The following PIK3C2B variants were observed in gnomAD, a reference collection of about 807,000 sequenced individuals.
PIK3C2B encodes phosphatidylinositol 4-phosphate 3-kinase C2 domain-containing subunit beta.
PIK3C2B carries 83 observed loss-of-function variants against 184.3 expected under a neutral mutation model. The ratio of observed to expected loss-of-function variants is 0.45; its 90% CI spans 0.38 to 0.54. The LOEUF (loss-of-function observed/expected upper bound fraction) is 0.54. PIK3C2B is among the 20% of genes least tolerant of loss of function. The probability of loss-of-function intolerance (pLI) is 0.00; values close to 1 mark genes in which losing one functional copy is unlikely to be tolerated. For missense variants in PIK3C2B, 1,736 were observed against 2,113.5 expected, an observed-to-expected ratio of 0.82 and a Z score of 3.50; for synonymous variants, 779 against 837.6, an observed-to-expected ratio of 0.93 and a Z score of 1.21.
At position 204,468,999 on chromosome 1, in the gene PIK3C2B, G is replaced by T; in HGVS notation, c.804C>A (p.Asp268Glu). Residue 268 changes from aspartate (D) to glutamate (E), a missense_variant, in exon 2 of 33, where the codon GAC becomes GAA. Physicochemically the swap from Asp to Glu is conservative, Grantham distance 45. This residue lies in a region of PIK3C2B where 404 missense variants were observed against 418.0 expected (regional missense o/e 0.97). Transcript: ENST00000684373. ...EGRGPLDFSK[D>E]TSGKPVARSK... ...TCCTGGCCACGGGTTTTCCAGAGGTGTCTTTGCTGAAGTCCAGCGGCCCTC... is the reference window on the plus strand; with the variant it reads ...TCCTGGCCACGGGTTTTCCAGAGGTTTCTTTGCTGAAGTCCAGCGGCCCTC... The T allele has an allele frequency of 6.2e-7, 1 of 1,614,222 alleles. No individual in the cohort carries two copies. Among genetic ancestry groups the T allele is most frequent in the Non-Finnish European group, 8.5e-7 (1 of 1,180,034 alleles).
chr1:204,481,577 C>G lies in PIK3C2B; in HGVS notation c.-84-11691G>C, dbSNP rs370045462. Among the ~76,000 whole-genome samples the G allele has an allele frequency of 3.3e-5, 5 of 152,090 alleles. No homozygotes were observed. In the East Asian group the frequency reaches 9.6e-4, roughly 29 times the overall value. On this transcript the variant is annotated intron_variant, in intron 1 of 32. Transcript: ENST00000684373. ...GAGGTCACATTCTTAGTGTCACTGG[C>G]AAAGAAGTCTGAGAAAAAAGGTTAA...
intron 1 of PIK3C2B, among the ~76,000 whole-genome samples, chr1:204,492,859 T>A (rs1240917828): frequency 2.0e-5 from 3 of 152,150 alleles, no homozygotes; most frequent in African/African-American, 7.2e-5. Flanking sequence ...AACCTCAGGC[T>A]CACCCAAAGG....
intron 23 of PIK3C2B, 50 bp downstream of exon 23, chr1:204,438,885 G>T: frequency 1.3e-6 from 2 of 1,575,830 alleles, no homozygotes; most frequent in Non-Finnish European, 8.7e-7. Context: ...GCTGTGTGCC[G>T]GCATCAGGCA....
chr1:204,456,258 A>G, intron 10 of PIK3C2B: 1 of 454,754 alleles, frequency 2.2e-6, no homozygotes, highest in Non-Finnish European at 3.9e-6. Flanking sequence ...AATGACAGTT[A>G]TACAATGTTA....
At chr1:204,440,562 T>A (rs1203958097) in intron 21 of PIK3C2B, among the ~76,000 whole-genome samples, 2 of 150,176 alleles carry the variant, frequency 1.3e-5, no homozygotes, top group East Asian at 3.9e-4. Context: ...AAATTCACGG[T>A]CTGCTTCTGC....
At chr1:204,473,727 A>C (rs1035019101) in intron 1 of PIK3C2B, among the ~76,000 whole-genome samples, 1 of 152,180 alleles carries the variant, frequency 6.6e-6, no homozygotes, top group African/African-American at 2.4e-5. Flanking sequence ...TCCAACACCC[A>C]CTTATGCATA....
At chr1:204,465,379 G>A in intron 2 of PIK3C2B, 60 bp from the exon 3 acceptor site, 2 of 1,020,714 alleles carry the variant, frequency 2.0e-6, no homozygotes, top group African/African-American at 1.6e-5. Flanking sequence ...CTCCCTATGA[G>A]GTACTCCAGA....
rs1322272614 is a variant in PIK3C2B, at chr1:204,447,489, C to G, written c.2436G>C (p.Arg812=). The change falls in exon 15 of 33, where the codon CGG becomes CGC. Residue 812 remains arginine (R), a synonymous_variant. Transcript: ENST00000684373. The surrounding 1 kb of genome is among the most constrained non-coding windows in gnomAD (Gnocchi z 4.1). ...FSPRYEFGSL[R]EEDQRKLKDI... is the part of the protein sequence containing the mutation. ...CTTTAAGCTTGCGCTGGTCTTCTTCCCGGAGGCTGCCAAACTCATAGCGGG... is the reference window on the plus strand; with the variant it reads ...CTTTAAGCTTGCGCTGGTCTTCTTCGCGGAGGCTGCCAAACTCATAGCGGG... 2.5e-6 allele frequency: 4 copies of G among 1,613,684 alleles called. No homozygotes were observed. Among genetic ancestry groups the G allele is most frequent in the Non-Finnish European group, 3.4e-6 (4 of 1,179,948 alleles).
intron 18 of PIK3C2B, 66 bp downstream of exon 18, chr1:204,444,002 T>C: frequency 8.8e-7 from 1 of 1,133,502 alleles, no homozygotes; most frequent in Non-Finnish European, 1.3e-6. Context: ...CTTGCGTGCC[T>C]AAGAGTGAAA....
intron 1 of PIK3C2B, chr1:204,490,254 T>G: frequency 3.8e-6 from 1 of 260,044 alleles, no homozygotes; most frequent in East Asian, 6.8e-5. Flanking sequence ...CAGGTCTTAT[T>G]TCTGCTTCAG....
At chr1:204,475,561 G>A (rs942903047) in intron 1 of PIK3C2B, among the ~76,000 whole-genome samples, 1 of 152,128 alleles carries the variant, frequency 6.6e-6, no homozygotes, top group Admixed American at 6.6e-5. Flanking sequence ...TCAGACACAG[G>A]ACTGGGTTTT....
chr1:204,461,715 G>T (rs565608815), intron 5 of PIK3C2B, among the ~76,000 whole-genome samples: 13 of 152,118 alleles, frequency 8.5e-5, no homozygotes, highest in Non-Finnish European at 1.6e-4. Flanking sequence ...CCAAAACCTG[G>T]AGGTGGTGAG....
Position 204,460,634 on chromosome 1 carries a change from G to A in PIK3C2B, c.1338C>T (p.Tyr446=), listed in dbSNP as rs1572355394. Residue 446 remains tyrosine (Y), a synonymous_variant, in exon 6 of 33, where the codon TAC becomes TAT. Transcript: ENST00000684373. ...QNKHALGSHE[Y]IQYCRKFDID... ...TGTCAAACTTGCGGCAGTATTGGAT[G>A]TACTCATGACTGCCCAAGGCATGCT... is the stretch of plus-strand genomic sequence containing the variant. The A allele has an allele frequency of 1.9e-6, 3 of 1,613,284 alleles. No homozygotes were observed. Among genetic ancestry groups the A allele is most frequent in the Non-Finnish European group, 2.5e-6 (3 of 1,179,206 alleles).
At position 204,445,955 on chromosome 1, in the gene PIK3C2B, C is replaced by T; in HGVS notation, c.2678+1G>A. ...CAGAAAAGGCAGATGTTACAACTCA[C>T]GTGGCATGCAGGAGCCCCAGGGCAT... On this transcript the variant is annotated splice_donor_variant, in intron 16 of 32. Transcript: ENST00000684373. LOFTEE classifies it high-confidence loss of function. 6.6e-7 allele frequency: 1 copy of T among 1,515,306 alleles called. No individual in the cohort carries two copies. The highest frequency in any genetic ancestry group is 8.9e-7 in the Non-Finnish European group (1 of 1,122,130). 93.9% of individuals were successfully genotyped at this position (1,515,306 alleles called of 1,614,324 possible).
Position 204,446,078 on chromosome 1 carries a change from C to G in PIK3C2B, c.2556G>C (p.Ser852=). 6.3e-7 allele frequency: 1 copy of G among 1,598,412 alleles called. No homozygotes were observed. The highest frequency in any genetic ancestry group is 2.3e-5 in the East Asian group (1 of 44,352). ...KRYYCHSEVS[S]LPLVLASAPS... is the part of the protein sequence containing the mutation. The stretch of plus-strand genomic sequence containing the variant: ...GGGCGCTGGCGAGCACCAGGGGGAG[C>G]GAGCTCACCTCCGAGTGGCAGTAAT... Residue 852 remains serine, a synonymous_variant, in exon 16 of 33, where the codon TCG becomes TCC. Transcript: ENST00000684373.
chr1:204,480,896 T>TTG (rs1657082710), intron 1 of PIK3C2B, among the ~76,000 whole-genome samples: 1 of 152,076 alleles, frequency 6.6e-6, no homozygotes, highest in African/African-American at 2.4e-5. Context: ...ATCGTGGTGT[T>TTG]CCTCAACCAG....
intron 1 of PIK3C2B, among the ~76,000 whole-genome samples, chr1:204,484,403 C>T (rs1170817275): frequency 6.6e-6 from 1 of 152,096 alleles, no homozygotes; most frequent in Non-Finnish European, 1.5e-5. Flanking sequence ...GTCTTTTTCC[C>T]ATCCTGTTGT....
At chr1:204,463,982 G>A (rs769127795) in intron 5 of PIK3C2B, 30 bp downstream of exon 5, 2 of 1,610,070 alleles carry the variant, frequency 1.2e-6, no homozygotes, top group Non-Finnish European at 1.7e-6. Context: ...TACCAGGAAG[G>A]CAGGGGCTAC....
At chr1:204,475,033 AT>A (rs2103522996) in intron 1 of PIK3C2B, among the ~76,000 whole-genome samples, 1 of 152,140 alleles carries the variant, frequency 6.6e-6, no homozygotes, top group Admixed American at 6.5e-5. Flanking sequence ...GGTTGCCCTA[AT>A]TCAAGCCCTT....
Sources: gnomAD v4.1 joint callset for allele counts (sites outside exome capture counted in the v4.1 genomes callset) on GRCh38, gnomAD v4.1.1 for gene constraint, gnomAD v4.1.1 regional missense constraint, Gnocchi (gnomAD v3.1) non-coding constraint, MANE v1.5 for transcripts, NCBI Gene and HGNC (gene_info 2026-07-23, HGNC 2026-07-21) for gene names.